The following NTM variants were observed in gnomAD, a reference collection of about 807,000 sequenced individuals.
The protein encoded by NTM is neurotrimin, also known as IgLON family member 2.
In NTM, 13 loss-of-function variants were observed where a neutral mutation model predicts 42.1. The observed-to-expected ratio is 0.31, with a 90% CI of 0.20 to 0.49. The LOEUF (loss-of-function observed/expected upper bound fraction) is 0.49. Ranked by LOEUF, NTM falls within the 20% of genes least tolerant of loss-of-function variation. NTM has a pLI of 0.99. For synonymous variants in NTM, 187 were observed against 179.2 expected (o/e 1.04, Z -0.35); for missense variants, 373 against 452.8 (o/e 0.82, Z 1.60).
rs117642747 is a variant in NTM at position 131,397,326 on chromosome 11, T to C, written c.82+26438T>C. Reference sequence around the variant, plus strand: ...CCCTCAGGGCCAACTAGATAGCAGATGCCTCATCAATTTTATCATTTTACC... The same window carrying C: ...CCCTCAGGGCCAACTAGATAGCAGACGCCTCATCAATTTTATCATTTTACC... On this transcript the variant is annotated intron_variant, in intron 1 of 8. Coordinates refer to ENST00000683400, the MANE Select transcript of NTM (RefSeq NM_001352005.2). Among the ~76,000 whole-genome samples the C allele has an allele frequency of 4.2e-3, 639 of 152,230 alleles. 26 individuals are homozygous for C. In the East Asian group the frequency reaches 0.1, roughly 25 times the overall value.
At chr11:132,170,149 T>C (rs2075919850) in intron 3 of NTM, among the ~76,000 whole-genome samples, 2 of 152,212 alleles carry the variant, frequency 1.3e-5, no homozygotes, top group Admixed American at 1.3e-4. Flanking sequence ...TGGGGAATAT[T>C]TGATAGAAAC....
In NTM at chr11:131,949,652, T is replaced by C. The variant is rs150606603; in HGVS notation, c.167+38004T>C. Among the ~76,000 whole-genome samples, 463 of 152,308 alleles carry C rather than the reference T, an allele frequency of 3.0e-3. 5 individuals are homozygous for C. Among genetic ancestry groups the C allele is most frequent in the African/African-American group, 0.01 (436 of 41,566 alleles). On this transcript the variant is annotated intron_variant, in intron 2 of 8. Transcript: ENST00000683400. ...CTATACCTAGAACAGTGACCCACAT[T>C]CCCAGGGTCTCCAAGGTCCATCCTC...
intron 1 of NTM, among the ~76,000 whole-genome samples, chr11:131,866,947 G>T (rs1475826658): frequency 3.9e-5 from 6 of 152,124 alleles, no homozygotes; most frequent in Non-Finnish European, 8.8e-5. Flanking sequence ...CAGTTCCCGT[G>T]GAATGACAGC....
At chr11:131,740,670 T>G (rs1203704634) in intron 1 of NTM, among the ~76,000 whole-genome samples, 1 of 152,194 alleles carries the variant, frequency 6.6e-6, no homozygotes, top group Non-Finnish European at 1.5e-5. Context: ...TCTCTGTCTC[T>G]GTCTGTCTCC....
chr11:132,070,708 TAGTTAACACGTCACACAGCCA>T (rs1566081223), intron 2 of NTM, among the ~76,000 whole-genome samples: 1 of 142,284 alleles, frequency 7.0e-6, no homozygotes, highest in African/African-American at 2.6e-5. Context: ...CATCACAGGT[TAGTTAACACGTCACACAGCCA>T]AGTTAACACG....
At chr11:131,929,150 G>C (rs1048040639) in intron 2 of NTM, among the ~76,000 whole-genome samples, 2 of 151,144 alleles carry the variant, frequency 1.3e-5, no homozygotes, top group Admixed American at 6.6e-5. Context: ...GGCAGCCAGG[G>C]AGGGAAAGGA....
rs1006201427 is a variant in NTM at position 131,388,103 on chromosome 11, C to T, written c.82+17215C>T. Among the ~76,000 whole-genome samples, 77 of 152,274 alleles carry T rather than the reference C, an allele frequency of 5.1e-4. 1 individual carries two copies. Among genetic ancestry groups the T allele is most frequent in the African/African-American group, 1.3e-3 (55 of 41,560 alleles). ...ATGTTGGGAGCTCTTTCTGGAAGGG[C>T]CACTCCCAGGGCTGGACATGTGGAA... On this transcript the variant is annotated intron_variant, in intron 1 of 8. Coordinates refer to ENST00000683400, the MANE Select transcript of NTM (RefSeq NM_001352005.2).
At chr11:131,418,096 A>G (rs186219315) in intron 1 of NTM, among the ~76,000 whole-genome samples, 91 of 152,340 alleles carry the variant, frequency 6.0e-4, no homozygotes, top group African/African-American at 2.1e-3. Flanking sequence ...CTTGCCATTC[A>G]GACAGCAATC....
intron 6 of NTM, among the ~76,000 whole-genome samples, chr11:132,311,318 C>T (rs1042175100): frequency 6.6e-6 from 1 of 152,074 alleles, no homozygotes; most frequent in East Asian, 1.9e-4. Context: ...TATCATAATC[C>T]TCCCAAATGA....
At chr11:131,910,737 C>G (rs1565714926) in intron 1 of NTM, 1 of 696,434 alleles carries the variant, frequency 1.4e-6, no homozygotes, top group African/African-American at 1.9e-5. Flanking sequence ...TTGGGGCCGC[C>G]GCGGTCCGCT....
At chr11:131,474,765 A>G (rs1178135869) in intron 1 of NTM, among the ~76,000 whole-genome samples, 1 of 152,080 alleles carries the variant, frequency 6.6e-6, no homozygotes, top group Non-Finnish European at 1.5e-5. Flanking sequence ...GGGTATCATT[A>G]TATCCTTCTT....
intron 1 of NTM, chr11:131,795,431 G>A: frequency 1.0e-6 from 1 of 985,288 alleles, no homozygotes; most frequent in Non-Finnish European, 1.2e-6. Flanking sequence ...ATACACTATT[G>A]GTATAAAGTC....
intron 1 of NTM, among the ~76,000 whole-genome samples, chr11:131,504,162 C>T (rs2047193243): frequency 1.3e-5 from 2 of 152,154 alleles, no homozygotes; most frequent in South Asian, 2.1e-4. Context: ...ATCCCCCTGC[C>T]AGTCCCCTTT....
intron 4 of NTM, among the ~76,000 whole-genome samples, chr11:132,233,902 C>T (rs2088186324): frequency 6.6e-6 from 1 of 152,250 alleles, no homozygotes; most frequent in Non-Finnish European, 1.5e-5. Context: ...ATGATGCCCA[C>T]TTCTCTGTCT....
intron 1 of NTM, among the ~76,000 whole-genome samples, chr11:131,818,017 C>T (rs186054036): frequency 2.8e-4 from 42 of 152,076 alleles, no homozygotes; most frequent in African/African-American, 8.9e-4. Context: ...AGATGATAGG[C>T]GGGGGAGCAG....
chr11:131,498,445 T>G (rs923193105), intron 1 of NTM, among the ~76,000 whole-genome samples: 13 of 152,212 alleles, frequency 8.5e-5, no homozygotes, highest in Admixed American at 7.2e-4. Flanking sequence ...ATTTTTTTAT[T>G]ATGATGGTTA....
chr11:131,977,843 A>T (rs2064641592), intron 2 of NTM, among the ~76,000 whole-genome samples: 1 of 152,252 alleles, frequency 6.6e-6, no homozygotes, highest in African/African-American at 2.4e-5. Flanking sequence ...TTAACAGCTC[A>T]GTACAATGAC....
At chr11:131,407,336 A>G (rs913427411) in intron 1 of NTM, among the ~76,000 whole-genome samples, 2 of 152,242 alleles carry the variant, frequency 1.3e-5, no homozygotes, top group Non-Finnish European at 2.9e-5. Flanking sequence ...AGCCCTCTGC[A>G]CTGGCACTGT....
intron 1 of NTM, among the ~76,000 whole-genome samples, chr11:131,585,684 A>G (rs1010449891): frequency 6.6e-6 from 1 of 152,050 alleles, no homozygotes; most frequent in Non-Finnish European, 1.5e-5. Context: ...TCATGCCTCT[A>G]TGTAGGGCAT....
Sources: allele counts gnomAD v4.1 joint callset (sites outside exome capture counted in the v4.1 genomes callset), GRCh38; gene constraint gnomAD v4.1.1; transcripts MANE v1.5; gene names NCBI Gene and HGNC (gene_info 2026-07-23, HGNC 2026-07-21).